COMMD10: variants seen among roughly 807,000 people sequenced by gnomAD.
The protein encoded by COMMD10 is COMM domain-containing protein 10.
COMMD10 carries 33 observed loss-of-function variants against 28.9 expected under a neutral mutation model. The observed-to-expected ratio is 1.14, with a 90% CI of 0.87 to 1.53. COMMD10 has a LOEUF of 1.53. COMMD10 is among the 40% of genes most tolerant of loss of function. The pLI is 0.00. For missense variants in COMMD10, 310 were observed against 233.4 expected, an observed-to-expected ratio of 1.33 and a Z score of -2.14; for synonymous variants, 110 against 81.7, an observed-to-expected ratio of 1.35 and a Z score of -1.87.
intron 5 of COMMD10, among the ~76,000 whole-genome samples, chr5:116,206,102 C>A (rs1037695654): frequency 6.6e-6 from 1 of 152,134 alleles, no homozygotes; most frequent in Non-Finnish European, 1.5e-5. Flanking sequence ...TCAGATCAAA[C>A]GTTCAGAACA....
At chr5:116,230,187 C>T (rs753937899) in intron 5 of COMMD10, among the ~76,000 whole-genome samples, 98 of 151,724 alleles carry the variant, frequency 6.5e-4, no homozygotes, top group Non-Finnish European at 9.7e-4. Flanking sequence ...TATAAGGAAG[C>T]CATGTAACAA....
In COMMD10 at chr5:116,217,895, G is replaced by T. The variant is rs547933121; in HGVS notation, c.511-73622G>T. ...CCACAAAACAACAATGAAGTGTTCT[G>T]TGTGCTAACAGCATAGCTCAAAAAA... On this transcript the variant is annotated intron_variant, in intron 5 of 6. Coordinates refer to ENST00000274458, the MANE Select transcript of COMMD10 (RefSeq NM_016144.4). The T allele has an allele frequency of 4.8e-6, 3 of 619,268 alleles. No individual in the cohort carries two copies. In the East Asian group the frequency reaches 8.4e-5, roughly 17 times the overall value. The allele number at this position is 619,268 out of a possible 1,614,324, so 38.4% of individuals were successfully genotyped here. A position where few individuals can be genotyped will look rare whatever the true frequency, so the allele number is the denominator to read the frequency against.
At chr5:116,118,667 G>C (rs1265477241) in intron 4 of COMMD10, among the ~76,000 whole-genome samples, 2 of 151,690 alleles carry the variant, frequency 1.3e-5, no homozygotes, top group Non-Finnish European at 2.9e-5. Context: ...TAGAGTACTA[G>C]ATTCTAGTCA....
chr5:116,100,096 A>G (rs1750608580), intron 4 of COMMD10, among the ~76,000 whole-genome samples: 2 of 152,154 alleles, frequency 1.3e-5, no homozygotes, highest in African/African-American at 4.8e-5. Context: ...CAAAGTTTTG[A>G]CTGTGACCTG....
intron 5 of COMMD10, among the ~76,000 whole-genome samples, chr5:116,164,109 GAGTT>G (rs1753013948): frequency 6.6e-6 from 1 of 152,138 alleles, no homozygotes; most frequent in South Asian, 2.1e-4. Flanking sequence ...CTGACGTCAG[GAGTT>G]CTGGACTAGC....
At chr5:116,281,216 G>T (rs1007459144) in intron 5 of COMMD10, among the ~76,000 whole-genome samples, 3 of 151,696 alleles carry the variant, frequency 2.0e-5, no homozygotes. Flanking sequence ...CTTGAAAAAT[G>T]TATATGTGTT....
intron 5 of COMMD10, among the ~76,000 whole-genome samples, chr5:116,180,720 A>G (rs894589390): frequency 9.9e-5 from 15 of 152,130 alleles, no homozygotes; most frequent in African/African-American, 3.6e-4. Context: ...TCTTAAAACT[A>G]TTTTTATAAA....
intron 5 of COMMD10, among the ~76,000 whole-genome samples, chr5:116,258,829 G>T (rs1465980174): frequency 2.0e-5 from 3 of 151,324 alleles, no homozygotes; most frequent in Admixed American, 2.0e-4. Flanking sequence ...CTGCACCTCT[G>T]CTTTTGTCTG....
At chr5:116,142,701 T>C (rs1752231578) in intron 5 of COMMD10, among the ~76,000 whole-genome samples, 2 of 151,760 alleles carry the variant, frequency 1.3e-5, no homozygotes, top group Admixed American at 1.3e-4. Flanking sequence ...TGTAATATTA[T>C]AGCGCCCCCT....
At chr5:116,164,182 A>T (rs1753016152) in intron 5 of COMMD10, among the ~76,000 whole-genome samples, 1 of 152,050 alleles carries the variant, frequency 6.6e-6, no homozygotes, top group South Asian at 2.1e-4. Context: ...TTAGCTGGGT[A>T]TGGTGGCGCA....
chr5:116,170,421 T>G (rs747902337), intron 5 of COMMD10, among the ~76,000 whole-genome samples: 28 of 152,358 alleles, frequency 1.8e-4, no homozygotes, highest in Admixed American at 3.3e-4. Context: ...CAAAGTAATT[T>G]GTAGATTCAG....
intron 5 of COMMD10, among the ~76,000 whole-genome samples, chr5:116,173,989 C>T (rs796565567): frequency 9.2e-5 from 14 of 152,026 alleles, no homozygotes; most frequent in African/African-American, 2.7e-4. Flanking sequence ...GTAACCAAAG[C>T]AAAGTCCTTC....
intron 5 of COMMD10, among the ~76,000 whole-genome samples, chr5:116,206,227 T>C (rs1748810058): frequency 6.6e-6 from 1 of 152,200 alleles, no homozygotes; most frequent in Non-Finnish European, 1.5e-5. Context: ...AGCGGAACTG[T>C]TTAAACTTCC....
chr5:116,215,721 T>C (rs945793535), intron 5 of COMMD10, among the ~76,000 whole-genome samples: 2 of 145,750 alleles, frequency 1.4e-5, no homozygotes, highest in Non-Finnish European at 1.5e-5. Context: ...TATATATATA[T>C]ATATATATAT....
At chr5:116,265,841 A>C (rs1283855044) in intron 5 of COMMD10, among the ~76,000 whole-genome samples, 4 of 151,826 alleles carry the variant, frequency 2.6e-5, no homozygotes, top group Non-Finnish European at 5.9e-5. Flanking sequence ...TCGACACCAG[A>C]GATGACACTC....
At chr5:116,256,793 A>G (rs957856959) in intron 5 of COMMD10, among the ~76,000 whole-genome samples, 3 of 151,906 alleles carry the variant, frequency 2.0e-5, no homozygotes, top group East Asian at 3.9e-4. Context: ...CATTAAACAA[A>G]GTTTGCATAC....
In COMMD10 at chr5:116,231,164, A is replaced by G. The variant is rs143601568; in HGVS notation, c.511-60353A>G. On this transcript the variant is annotated intron_variant, in intron 5 of 6. Transcript: ENST00000274458. Reference sequence around the variant, plus strand: ...TAAGGTCAAGCTGATTCTACATCCTATTGGTGGTAGGTGTTAGTGATGTCA... The same window carrying G: ...TAAGGTCAAGCTGATTCTACATCCTGTTGGTGGTAGGTGTTAGTGATGTCA... Among the ~76,000 whole-genome samples, 236 of 152,190 alleles carry G rather than the reference A, an allele frequency of 1.6e-3. 1 individual carries two copies. Among genetic ancestry groups the G allele is most frequent in the African/African-American group, 5.3e-3 (219 of 41,538 alleles).
intron 5 of COMMD10, among the ~76,000 whole-genome samples, chr5:116,240,674 G>T (rs959406833): frequency 3.9e-5 from 6 of 152,098 alleles, no homozygotes; most frequent in African/African-American, 1.4e-4. Context: ...CAGGAGAAAG[G>T]AATGAGAAGG....
chr5:116,120,115 A>G (rs1298767627), intron 4 of COMMD10, among the ~76,000 whole-genome samples: 4 of 152,062 alleles, frequency 2.6e-5, no homozygotes, highest in Non-Finnish European at 4.4e-5. Flanking sequence ...GTGCCCATCA[A>G]CCAACAAATG....
Sources: allele counts gnomAD v4.1 joint callset (sites outside exome capture counted in the v4.1 genomes callset), GRCh38; gene constraint gnomAD v4.1.1; transcripts MANE v1.5; gene names NCBI Gene and HGNC (gene_info 2026-07-23, HGNC 2026-07-21).